The following MTREX variants were observed in gnomAD, a reference collection of about 807,000 sequenced individuals.
MTREX encodes the protein exosome RNA helicase MTR4.
Under a neutral mutation model 135.4 loss-of-function variants are expected in MTREX, and 76 were observed. The observed-to-expected ratio is 0.56, with a 90% CI of 0.47 to 0.68. The LOEUF (loss-of-function observed/expected upper bound fraction) is 0.68. MTREX is among the 30% of genes least tolerant of loss of function. MTREX has a pLI of 0.00. For synonymous variants in MTREX, 404 were observed against 401.6 expected, an observed-to-expected ratio of 1.01 and a Z score of -0.07; for missense variants, 920 against 1,262.1, an observed-to-expected ratio of 0.73 and a Z score of 4.11.
At position 55,308,091 on chromosome 5, in the gene MTREX, C is replaced by A. The variant is rs563438949; in HGVS notation, c.78C>A (p.Asp26Glu). The change falls in exon 1 of 27, where the codon GAC becomes GAA. Residue 26 changes from aspartate to glutamate, a missense_variant. This residue lies in a region of MTREX where 136 missense variants were observed against 126.7 expected (regional missense o/e 1.07). Coordinates refer to ENST00000230640, the MANE Select transcript of MTREX (RefSeq NM_015360.5). ...CCACTGCGGCGGGAACCAAAAAAGACAAGGAAAAGGACAAGGGGAAATGGA... is the reference window on the plus strand; with the variant it reads ...CCACTGCGGCGGGAACCAAAAAAGAAAAGGAAAAGGACAAGGGGAAATGGA... Reference protein sequence around the residue: ...DSTTAAGTKKDKEKDKGKWKG... With the variant: ...DSTTAAGTKKEKEKDKGKWKG... 17 of 1,613,776 alleles carry A rather than the reference C, an allele frequency of 1.1e-5. No individual in the cohort carries two copies. The South Asian group carries it at 1.5e-4, about 15-fold the overall frequency.
chr5:55,363,042 C>G (rs1294271486), intron 15 of MTREX, among the ~76,000 whole-genome samples: 1 of 152,112 alleles, frequency 6.6e-6, no homozygotes, highest in South Asian at 2.1e-4. Context: ...TGTGATACTT[C>G]TAGTCAGTGG....
At chr5:55,312,246 A>G (rs1424781639) in intron 1 of MTREX, among the ~76,000 whole-genome samples, 3 of 152,234 alleles carry the variant, frequency 2.0e-5, no homozygotes, top group African/African-American at 7.2e-5. Flanking sequence ...AATACAGTTC[A>G]TAAAGAAAAG....
chr5:55,343,458 A>G lies in MTREX; in HGVS notation c.906+3A>G. On this transcript the variant is annotated splice_donor_region_variant and intron_variant, in intron 8 of 26. Coordinates refer to ENST00000230640, the MANE Select transcript of MTREX (RefSeq NM_015360.5). ...GGATTTGCCATTTACATAAACAGGTATTTTTTCCTCCTTTTTTGATGTCTT... is the reference window on the plus strand; with the variant it reads ...GGATTTGCCATTTACATAAACAGGTGTTTTTTCCTCCTTTTTTGATGTCTT... 6.2e-7 allele frequency: 1 copy of G among 1,610,122 alleles called. No individual in the cohort carries two copies. The highest frequency in any genetic ancestry group is 8.5e-7 in the Non-Finnish European group (1 of 1,178,628).
At chr5:55,375,324 A>G (rs1326199465) in intron 16 of MTREX, among the ~76,000 whole-genome samples, 1 of 152,192 alleles carries the variant, frequency 6.6e-6, no homozygotes, top group Non-Finnish European at 1.5e-5. Context: ...TCACCCCGGC[A>G]GTCTCGAACA....
intron 5 of MTREX, among the ~76,000 whole-genome samples, chr5:55,334,390 G>T (rs962610074): frequency 6.6e-6 from 1 of 152,030 alleles, no homozygotes; most frequent in East Asian, 1.9e-4. Context: ...ACCAGATGTT[G>T]CACACCAGAT....
At chr5:55,360,873 C>G (rs1030182859) in intron 15 of MTREX, among the ~76,000 whole-genome samples, 1 of 152,104 alleles carries the variant, frequency 6.6e-6, no homozygotes, top group Middle Eastern at 3.4e-3. Context: ...TCAATATGTT[C>G]CAAATGTTAA....
chr5:55,421,101 G>T (rs542095159), intron 25 of MTREX, among the ~76,000 whole-genome samples: 3 of 152,038 alleles, frequency 2.0e-5, no homozygotes, highest in Non-Finnish European at 4.4e-5. Flanking sequence ...GTTTTGTTTC[G>T]GTTTTGGTCA....
At chr5:55,339,480 A>C (rs1749608879) in intron 5 of MTREX, among the ~76,000 whole-genome samples, 2 of 152,232 alleles carry the variant, frequency 1.3e-5, no homozygotes, top group African/African-American at 4.8e-5. Flanking sequence ...TTTAAAGAAA[A>C]ACAAAACTGC....
At chr5:55,331,723 A>G (rs1749478218) in intron 5 of MTREX, among the ~76,000 whole-genome samples, 1 of 152,078 alleles carries the variant, frequency 6.6e-6, no homozygotes, top group Non-Finnish European at 1.5e-5. Context: ...ACAGACTACG[A>G]TCTTGGTCTG....
intron 7 of MTREX, among the ~76,000 whole-genome samples, 168 bp from the exon 8 acceptor site, chr5:55,343,163 T>C (rs570796665): frequency 3.9e-5 from 6 of 152,336 alleles, no homozygotes; most frequent in Admixed American, 1.3e-4. Flanking sequence ...TTCTACTGGA[T>C]AGATTAATGG....
chr5:55,357,220 C>G (rs1215062939), intron 14 of MTREX: 4 of 152,888 alleles, frequency 2.6e-5, no homozygotes, highest in African/African-American at 7.2e-5. Context: ...GCTCAGTGCT[C>G]CATGCATACC....
chr5:55,362,385 G>A (rs1750029439), intron 15 of MTREX, among the ~76,000 whole-genome samples: 2 of 151,794 alleles, frequency 1.3e-5, no homozygotes, highest in South Asian at 2.1e-4. Context: ...TTTTGAGACA[G>A]TTTCTCGCTC....
rs190439884 is a variant in MTREX at position 55,376,081 on chromosome 5, G to A, written c.1811-2233G>A. Among the ~76,000 whole-genome samples, 597 of 152,300 alleles carry A rather than the reference G, an allele frequency of 3.9e-3. 1 individual carries two copies. Among genetic ancestry groups the A allele is most frequent in the Admixed American group, 5.9e-3 (91 of 15,302 alleles). ...GGAGCCCCCAGTAGACTTAATCCAAGTCGTGGAGTTTAATCCATAAAGATT... is the reference window on the plus strand; with the variant it reads ...GGAGCCCCCAGTAGACTTAATCCAAATCGTGGAGTTTAATCCATAAAGATT... On this transcript the variant is annotated intron_variant, in intron 16 of 26. Transcript: ENST00000230640.
At chr5:55,349,444 C>T in intron 11 of MTREX, 129 bp from the exon 12 acceptor site, 1 of 604,022 alleles carries the variant, frequency 1.7e-6, no homozygotes, top group East Asian at 2.9e-5. Context: ...CTGCCTCAGC[C>T]TCCCTAAGTG....
At chr5:55,326,647 T>C (rs1749383104) in intron 3 of MTREX, among the ~76,000 whole-genome samples, 1 of 152,160 alleles carries the variant, frequency 6.6e-6, no homozygotes, top group South Asian at 2.1e-4. Flanking sequence ...ATGGTTGTTC[T>C]GCCAGTATTC....
chr5:55,396,200 G>T (rs570855143), intron 19 of MTREX, among the ~76,000 whole-genome samples: 1 of 152,278 alleles, frequency 6.6e-6, no homozygotes, highest in Non-Finnish European at 1.5e-5. Flanking sequence ...GAAAGGTGGG[G>T]TATATTTTTA....
In MTREX at chr5:55,339,998, T is replaced by TA; in HGVS notation, c.516-12_516-11insA. On this transcript the variant is annotated splice_polypyrimidine_tract_variant and intron_variant, in intron 5 of 26. Transcript: ENST00000230640. ...GGAAAAGTTGTATGATTATTTGTTTTCACATTTGTAGGTATGCCATTGCAT... is the reference window on the plus strand; with the variant it reads ...GGAAAAGTTGTATGATTATTTGTTTTACACATTTGTAGGTATGCCATTGCAT... 1 of 1,471,894 alleles carries TA rather than the reference T, an allele frequency of 6.8e-7. No homozygotes were observed. Among genetic ancestry groups the TA allele is most frequent in the Non-Finnish European group, 9.0e-7 (1 of 1,107,812 alleles). The allele number at this position is 1,471,894 out of a possible 1,614,324, so 91.2% of individuals were successfully genotyped here.
chr5:55,420,302 C>T (rs933510147), intron 25 of MTREX, among the ~76,000 whole-genome samples: 2 of 152,154 alleles, frequency 1.3e-5, no homozygotes, highest in Admixed American at 6.6e-5. Context: ...AAGTTCTGTT[C>T]GGGAAAATCT....
chr5:55,355,393 C>T (rs1749894595), intron 14 of MTREX, among the ~76,000 whole-genome samples: 1 of 152,180 alleles, frequency 6.6e-6, no homozygotes, highest in South Asian at 2.1e-4. Context: ...TCAAGGGTCC[C>T]ATTCCCCAGG....
Sources: gnomAD v4.1 joint callset for allele counts (sites outside exome capture counted in the v4.1 genomes callset) on GRCh38, gnomAD v4.1.1 for gene constraint, gnomAD v4.1.1 regional missense constraint, MANE v1.5 for transcripts, NCBI Gene and HGNC (gene_info 2026-07-23, HGNC 2026-07-21) for gene names.